INSC: variants seen among roughly 807,000 people sequenced by gnomAD.
The protein encoded by INSC is protein inscuteable homolog.
Under a neutral mutation model 58.6 loss-of-function variants are expected in INSC, and 67 were observed. The ratio of observed to expected loss-of-function variants is 1.14; its 90% CI spans 0.94 to 1.40. INSC has a LOEUF of 1.40. INSC is among the 40% of genes most tolerant of loss of function. INSC has a pLI of 0.00. For synonymous variants in INSC, 262 were observed against 276.1 expected, an observed-to-expected ratio of 0.95 and a Z score of 0.51; for missense variants, 714 against 692.0, an observed-to-expected ratio of 1.03 and a Z score of -0.36.
At chr11:15,112,344 A>G (rs1465705170), upstream of INSC, 1 of 746,440 alleles carries the variant, frequency 1.3e-6, no homozygotes, top group African/African-American at 1.8e-5. Context: ...ACTGCCTTGG[A>G]CAAGCTTTGC....
At chr11:15,193,899 G>T (rs1850275165) in intron 6 of INSC, among the ~76,000 whole-genome samples, 1 of 151,924 alleles carries the variant, frequency 6.6e-6, no homozygotes. Flanking sequence ...GTACCAGGTT[G>T]GTCTGCAGTA....
At chr11:15,127,375 A>G (rs1350181000) in intron 1 of INSC, among the ~76,000 whole-genome samples, 1 of 152,138 alleles carries the variant, frequency 6.6e-6, no homozygotes, top group Non-Finnish European at 1.5e-5. Flanking sequence ...CTTTTGATGC[A>G]CCTCCATCTT....
chr11:15,241,153 G>A (rs181940560), intron 12 of INSC, among the ~76,000 whole-genome samples: 125 of 152,262 alleles, frequency 8.2e-4, no homozygotes, highest in Middle Eastern at 3.4e-3. Flanking sequence ...TGCATGCTTC[G>A]TCTATATATT....
At chr11:15,207,271 C>T (rs1232418523) in intron 7 of INSC, among the ~76,000 whole-genome samples, 1 of 152,208 alleles carries the variant, frequency 6.6e-6, no homozygotes, top group Non-Finnish European at 1.5e-5. Context: ...GACGGCCTCA[C>T]TTTCAAAAAG....
chr11:15,209,335 T>C (rs1158821402), intron 7 of INSC, among the ~76,000 whole-genome samples: 3 of 152,210 alleles, frequency 2.0e-5, no homozygotes, highest in Admixed American at 2.0e-4. Context: ...ATGATACAAG[T>C]CAATGCTCCA....
In INSC at chr11:15,246,007, A is replaced by T. The variant is rs1369148229; in HGVS notation, c.1566A>T (p.Leu522Phe). ...AGCCTCGGCTGGTGGACTCCTTCTT[A>T]CTCTGCAGCAACATGGAGGAGAGTT... ...LVQPRLVDSF[L>F]LCSNMEESFV is the part of the protein sequence containing the mutation. Residue 522 changes from leucine to phenylalanine, a missense_variant, in exon 13 of 13, where the codon TTA becomes TTT. Transcript: ENST00000379556. 3.7e-6 allele frequency: 6 copies of T among 1,613,968 alleles called. No homozygotes were observed. Among genetic ancestry groups the T allele is most frequent in the Non-Finnish European group, 4.2e-6 (5 of 1,180,006 alleles).
At chr11:15,176,196 C>T in intron 3 of INSC, 110 bp downstream of exon 3, 1 of 864,854 alleles carries the variant, frequency 1.2e-6, no homozygotes, top group Admixed American at 3.1e-5. Context: ...AGAAGCCTTT[C>T]TCCCCTTCCA....
At position 15,246,727 on chromosome 11, in the gene INSC, C is replaced by T. The variant is rs1852578315; in HGVS notation, c.*687C>T. 1.3e-5 allele frequency: 2 copies of T among 152,370 alleles called. No individual in the cohort carries two copies. Among genetic ancestry groups the T allele is most frequent in the South Asian group, 4.1e-4 (2 of 4,832 alleles). The allele number at this position is 152,370 out of a possible 1,614,324, so 9.4% of individuals were successfully genotyped here. A position where few individuals can be genotyped will look rare whatever the true frequency, so the allele number is the denominator to read the frequency against. ...ACACCCAAAGGCACCAGAAACCCTG[C>T]TTCCTTTGGCTTCTTTGCTTTTGTG... is the stretch of plus-strand genomic sequence containing the variant. On this transcript the variant is annotated 3_prime_UTR_variant, in exon 13 of 13. Coordinates refer to ENST00000379556, the MANE Select transcript of INSC (RefSeq NM_001042536.3).
At chr11:15,224,529 G>C (rs2133939333) in intron 8 of INSC, among the ~76,000 whole-genome samples, 1 of 152,310 alleles carries the variant, frequency 6.6e-6, no homozygotes, top group South Asian at 2.1e-4. Context: ...TCTCTCCTGG[G>C]ACTCTTTTTC....
chr11:15,120,828 C>G (rs1847853941), intron 1 of INSC, among the ~76,000 whole-genome samples: 3 of 152,198 alleles, frequency 2.0e-5, no homozygotes, highest in South Asian at 4.2e-4. Flanking sequence ...ATTTTTATGT[C>G]ACTCTAAATT....
chr11:15,124,509 G>C (rs935063574), intron 1 of INSC, among the ~76,000 whole-genome samples: 1 of 152,186 alleles, frequency 6.6e-6, no homozygotes, highest in Non-Finnish European at 1.5e-5. Flanking sequence ...AGCTCCCCAT[G>C]AGCCCTATGG....
At chr11:15,145,281 G>T (rs1236975403) in intron 1 of INSC, among the ~76,000 whole-genome samples, 1 of 152,162 alleles carries the variant, frequency 6.6e-6, no homozygotes, top group Non-Finnish European at 1.5e-5. Context: ...ATTTTCCCAA[G>T]GTTATGTACT....
chr11:15,235,480 G>A lies in INSC; in HGVS notation c.1171-122G>A, dbSNP rs553824564. 2.3e-5 allele frequency: 18 copies of A among 779,230 alleles called. 2 individuals carry two copies. In the African/African-American group the frequency reaches 3.0e-4, roughly 13 times the overall value. 48.3% of individuals were successfully genotyped at this position (779,230 alleles called of 1,614,324 possible). ...AAAATGCCGTGGAAGGATAGGCCCG[G>A]TGGACAGGAAGGAGTCACGGGATAA... On this transcript the variant is annotated intron_variant, in intron 9 of 12. Transcript: ENST00000379556.
chr11:15,241,761 A>T, intron 12 of INSC: 1 of 593,558 alleles, frequency 1.7e-6, no homozygotes, highest in Non-Finnish European at 3.0e-6. Context: ...AAAGTGAATT[A>T]TATTAAAAAT....
intron 1 of INSC, among the ~76,000 whole-genome samples, chr11:15,143,995 C>T (rs912037434): frequency 6.6e-6 from 1 of 152,208 alleles, no homozygotes; most frequent in African/African-American, 2.4e-5. Context: ...CTTTCAGTCT[C>T]AAGCTCCTAG....
At chr11:15,127,597 A>G (rs2133698358) in intron 1 of INSC, among the ~76,000 whole-genome samples, 1 of 152,300 alleles carries the variant, frequency 6.6e-6, no homozygotes, top group East Asian at 1.9e-4. Flanking sequence ...AGTGAGTTAT[A>G]CTTGTGAGCA....
intron 5 of INSC, among the ~76,000 whole-genome samples, chr11:15,188,635 T>A (rs1479379503): frequency 6.6e-5 from 10 of 152,248 alleles, no homozygotes; most frequent in Non-Finnish European, 1.0e-4. Flanking sequence ...GAGATCTGAT[T>A]CACTGAGACA....
chr11:15,191,992 A>G (rs755684689), intron 6 of INSC, among the ~76,000 whole-genome samples: 1 of 152,254 alleles, frequency 6.6e-6, no homozygotes, highest in East Asian at 1.9e-4. Flanking sequence ...AGGAGGCTGT[A>G]CAATTCTCTG....
chr11:15,138,229 C>A (rs1340194126), intron 1 of INSC, among the ~76,000 whole-genome samples: 2 of 152,076 alleles, frequency 1.3e-5, no homozygotes, highest in East Asian at 3.8e-4. Context: ...CAGATCACCA[C>A]AGCAGATACA....
Sources: gnomAD v4.1 joint callset for allele counts (sites outside exome capture counted in the v4.1 genomes callset) on GRCh38, gnomAD v4.1.1 for gene constraint, MANE v1.5 for transcripts, NCBI Gene and HGNC (gene_info 2026-07-23, HGNC 2026-07-21) for gene names.